The following SNRNP200 variants were observed in gnomAD, a reference collection of about 807,000 sequenced individuals.
The protein encoded by SNRNP200 is small nuclear ribonucleoprotein U5 subunit 200, also known as U5 small nuclear ribonucleoprotein 200 kDa helicase.
Under a neutral mutation model 255.2 loss-of-function variants are expected in SNRNP200, and 66 were observed. The observed-to-expected ratio is 0.26, with a 90% CI of 0.21 to 0.32. SNRNP200 has a LOEUF of 0.32. Ranked by LOEUF, SNRNP200 falls within the 10% of genes least tolerant of loss-of-function variation. SNRNP200 has a pLI of 1.00. For synonymous variants in SNRNP200, 939 were observed against 1,027.8 expected (o/e 0.91, Z 1.65); for missense variants, 1,585 against 2,749.8 (o/e 0.58, Z 9.47).
At position 96,281,893 on chromosome 2, in the gene SNRNP200, T is replaced by C. The variant is rs1684766948; in HGVS notation, c.4945A>G (p.Ser1649Gly). The C allele has an allele frequency of 6.2e-7, 1 of 1,613,836 alleles. No individual in the cohort carries two copies. Among genetic ancestry groups the C allele is most frequent in the Non-Finnish European group, 8.5e-7 (1 of 1,179,972 alleles). ...GCCACGTTCATGCCCCAGCAGAGAC[T>C]CCGAGAAGCCACCACCACCTGGATA... ...GAIQVVVASR[S>G]LCWGMNVAAH... Residue 1649 changes from serine to glycine, a missense_variant, in exon 35 of 45, where the codon AGT (serine) becomes GGT (glycine). Around this residue, in one of 9 missense-constraint regions of SNRNP200, gnomAD observed 719 missense variants for 1,091.1 expected, o/e 0.66. Transcript: ENST00000323853.
chr2:96,276,716 G>A (rs545380631), intron 43 of SNRNP200, 188 bp downstream of exon 43: 43 of 721,572 alleles, frequency 6.0e-5, no homozygotes, highest in Non-Finnish European at 8.3e-5. Flanking sequence ...CACTGCGCCC[G>A]GCCCTAAACT....
Position 96,283,646 on chromosome 2 carries a change from G to T in SNRNP200, c.4652C>A (p.Thr1551Asn). ...SMAKPVYHAI[T>N]KHSPKKPVIV... is the part of the protein sequence containing the mutation. Reference sequence around the variant, plus strand: ...GACAGGCTTCTTGGGCGAGTGCTTGGTGATAGCATGGTACACAGGCTTGGC... The same window carrying T: ...GACAGGCTTCTTGGGCGAGTGCTTGTTGATAGCATGGTACACAGGCTTGGC... The change falls in exon 33 of 45, where the codon ACC becomes AAC. Residue 1551 changes from threonine (T) to asparagine (N), a missense_variant. Thr to Asn is a moderately conservative substitution (Grantham distance 65). This residue lies in a region of SNRNP200 where 719 missense variants were observed against 1,091.1 expected (regional missense o/e 0.66). Transcript: ENST00000323853. This position sits in a 1 kb window ranked among gnomAD's most constrained non-coding sequence, Gnocchi z 4.7. 6.2e-7 allele frequency: 1 copy of T among 1,614,036 alleles called. No homozygotes were observed. The highest frequency in any genetic ancestry group is 2.2e-5 in the East Asian group (1 of 44,894).
At position 96,290,568 on chromosome 2, in the gene SNRNP200, TG is replaced by T; in HGVS notation, c.2554-55del. 1.2e-6 allele frequency: 2 copies of T among 1,613,378 alleles called. No individual in the cohort carries two copies. The highest frequency in any genetic ancestry group is 1.7e-6 in the Non-Finnish European group (2 of 1,179,310). ...CTATGTCAAGAGAATGTCTGAATTT[TG>T]ATGCAGGTATCTACATTACAGAACT... On this transcript the variant is annotated intron_variant, in intron 19 of 44. Coordinates refer to ENST00000323853, the MANE Select transcript of SNRNP200 (RefSeq NM_014014.5). The surrounding 1 kb of genome is among the most constrained non-coding windows in gnomAD (Gnocchi z 4.5).
At position 96,303,941 on chromosome 2, in the gene SNRNP200, T is replaced by A. The variant is rs1574003075; in HGVS notation, c.210-611A>T. On this transcript the variant is annotated intron_variant, in intron 2 of 44. Coordinates refer to ENST00000323853, the MANE Select transcript of SNRNP200 (RefSeq NM_014014.5). ...CTTCATACATTGTATGAGACTATTA[T>A]ATAATAGGATTTTGACTAGTTTTTC... Among the ~76,000 whole-genome samples, 3 of 150,812 alleles carry A rather than the reference T, an allele frequency of 2.0e-5. No individual in the cohort carries two copies. In the East Asian group the frequency reaches 5.8e-4, roughly 29 times the overall value.
At position 96,283,011 on chromosome 2, in the gene SNRNP200, G is replaced by C. The variant is rs547311111; in HGVS notation, c.4915+190C>G. 5.7e-6 allele frequency: 4 copies of C among 706,258 alleles called. No homozygotes were observed. The East Asian group carries it at 8.2e-5, about 14-fold the overall frequency. 43.7% of individuals were successfully genotyped at this position (706,258 alleles called of 1,614,324 possible). A position where few individuals can be genotyped will look rare whatever the true frequency, so the allele number is the denominator to read the frequency against. ...CCTGTTTTCTCACCTGGCAAGTAGGGATAGTGTTTGTCTCACCTGCCTCAC... is the reference window on the plus strand; with the variant it reads ...CCTGTTTTCTCACCTGGCAAGTAGGCATAGTGTTTGTCTCACCTGCCTCAC... On this transcript the variant is annotated intron_variant, in intron 34 of 44. Transcript: ENST00000323853. This position sits in a 1 kb window ranked among gnomAD's most constrained non-coding sequence, Gnocchi z 4.7.
At chr2:96,296,723 T>C in intron 12 of SNRNP200, 32 bp from the exon 13 acceptor site, 1 of 1,613,128 alleles carries the variant, frequency 6.2e-7, no homozygotes, top group South Asian at 1.1e-5. Context: ...AGAACGCCTA[T>C]TCACCTGGTT....
intron 29 of SNRNP200, among the ~76,000 whole-genome samples, chr2:96,285,873 G>A (rs1035151115): frequency 6.6e-6 from 1 of 152,200 alleles, no homozygotes; most frequent in Non-Finnish European, 1.5e-5. Context: ...ATCTCCAATA[G>A]AGATTCCTTT....
chr2:96,283,225 G>C lies in SNRNP200; in HGVS notation c.4891C>G (p.Leu1631Val). The change falls in exon 34 of 45, where the codon CTG becomes GTG. Residue 1631 changes from leucine to valine, a missense_variant. Transcript: ENST00000323853. This position sits in a 1 kb window ranked among gnomAD's most constrained non-coding sequence, Gnocchi z 4.7. Reference protein sequence around the residue: ...HEGLSPMERRLVEQLFSSGAI... With the variant: ...HEGLSPMERRVVEQLFSSGAI... ...CCTGAGCTGAAGAGCTGCTCCACCAGGCGTCGCTCCATGGGGCTGAGCCCC... is the reference window on the plus strand; with the variant it reads ...CCTGAGCTGAAGAGCTGCTCCACCACGCGTCGCTCCATGGGGCTGAGCCCC... 1 of 1,614,182 alleles carries C rather than the reference G, an allele frequency of 6.2e-7. No homozygotes were observed. The highest frequency in any genetic ancestry group is 8.5e-7 in the Non-Finnish European group (1 of 1,180,050).
chr2:96,300,167 C>T (rs1574000876), intron 5 of SNRNP200, among the ~76,000 whole-genome samples: 1 of 152,298 alleles, frequency 6.6e-6, no homozygotes, highest in East Asian at 1.9e-4. Context: ...CACTTCTACT[C>T]ACTGAGAACT....
At position 96,283,202 on chromosome 2, in the gene SNRNP200, T is replaced by C; in HGVS notation, c.4914A>G (p.Ser1638=). 1 of 1,614,156 alleles carries C rather than the reference T, an allele frequency of 6.2e-7. No individual in the cohort carries two copies. The part of the protein sequence containing the change: ...ERRLVEQLFS[S]GAIQVVVASR... ...CTCCCCTTCCGTGGCCTGACTTACC[T>C]GAGCTGAAGAGCTGCTCCACCAGGC... The change falls in exon 34 of 45, where the codon TCA becomes TCG. Residue 1638 remains serine (S), a splice_region_variant and synonymous_variant. Coordinates refer to ENST00000323853, the MANE Select transcript of SNRNP200 (RefSeq NM_014014.5). The surrounding 1 kb of genome is among the most constrained non-coding windows in gnomAD (Gnocchi z 4.7).
intron 1 of SNRNP200, among the ~76,000 whole-genome samples, 163 bp from the exon 2 acceptor site, chr2:96,305,031 G>GCACA (rs2063978572): frequency 6.6e-6 from 1 of 152,174 alleles, no homozygotes; most frequent in African/African-American, 2.4e-5. Context: ...ATAACGCTGT[G>GCACA]CAGAAGCGTA....
intron 34 of SNRNP200, chr2:96,282,886 C>T (rs1317728915): frequency 2.2e-6 from 1 of 463,300 alleles, no homozygotes; most frequent in Non-Finnish European, 4.0e-6. Context: ...GACTAATACA[C>T]TTGGGGAGTC....
rs749969850 is a variant in SNRNP200, at chr2:96,290,303, CACA to C, written c.2742+20_2742+22del. 2 of 1,612,588 alleles carry C rather than the reference CACA, an allele frequency of 1.2e-6. No homozygotes were observed. The highest frequency in any genetic ancestry group is 1.7e-6 in the Non-Finnish European group (2 of 1,179,472). On this transcript the variant is annotated intron_variant, in intron 20 of 44. Coordinates refer to ENST00000323853, the MANE Select transcript of SNRNP200 (RefSeq NM_014014.5). The surrounding 1 kb of genome is among the most constrained non-coding windows in gnomAD (Gnocchi z 4.5). Reference sequence around the variant, plus strand: ...TGGTGTCTGCGGGGAAAGCATGAAGCACAACAAGCAGTCCTCCCCTACCTTGGC... The same window carrying C: ...TGGTGTCTGCGGGGAAAGCATGAAGCACAAGCAGTCCTCCCCTACCTTGGC...
At chr2:96,301,806 C>T in intron 3 of SNRNP200, 90 bp from the exon 4 acceptor site, 1 of 1,384,090 alleles carries the variant, frequency 7.2e-7, no homozygotes, top group Non-Finnish European at 1.0e-6. Context: ...ATGTGAAGAG[C>T]CACACCTCTT....
At chr2:96,282,102 C>T in intron 34 of SNRNP200, 180 bp from the exon 35 acceptor site, 1 of 595,254 alleles carries the variant, frequency 1.7e-6, no homozygotes, top group Non-Finnish European at 3.0e-6. Flanking sequence ...TAGCTCCACG[C>T]TGCTGGTGCC....
chr2:96,303,477 T>C (rs1317614966), intron 2 of SNRNP200, 147 bp from the exon 3 acceptor site: 11 of 1,007,294 alleles, frequency 1.1e-5, no homozygotes, highest in Non-Finnish European at 1.7e-5. Flanking sequence ...TGATTCCGTT[T>C]GGCCTTAATC....
intron 15 of SNRNP200, 73 bp downstream of exon 15, chr2:96,293,243 A>G: frequency 1.3e-6 from 2 of 1,576,366 alleles, no homozygotes; most frequent in Non-Finnish European, 1.7e-6. Flanking sequence ...CCAACCCAGT[A>G]GCACTCCTTG....
chr2:96,283,592 G>A lies in SNRNP200; in HGVS notation c.4706C>T (p.Thr1569Ile), dbSNP rs1308249655. ...VIVFVPSRKQ[T>I]RLTAIDILTT... ...GAGGATGTCAATGGCAGTGAGGCGG[G>A]TCTGCTTGCGAGACGGCACAAAGAC... The change falls in exon 33 of 45, where the codon ACC becomes ATC. Residue 1569 changes from threonine to isoleucine, a missense_variant. Coordinates refer to ENST00000323853, the MANE Select transcript of SNRNP200 (RefSeq NM_014014.5). This position sits in a 1 kb window ranked among gnomAD's most constrained non-coding sequence, Gnocchi z 4.7. 6.2e-7 allele frequency: 1 copy of A among 1,614,008 alleles called. No homozygotes were observed. The highest frequency in any genetic ancestry group is 8.5e-7 in the Non-Finnish European group (1 of 1,180,050).
In SNRNP200 at chr2:96,281,920, C is replaced by T. The variant is rs1454381801; in HGVS notation, c.4918G>A (p.Ala1640Thr). 1 of 1,613,574 alleles carries T rather than the reference C, an allele frequency of 6.2e-7. No homozygotes were observed. The highest frequency in any genetic ancestry group is 1.7e-5 in the Admixed American group (1 of 60,006). ...CGAGAAGCCACCACCACCTGGATAGCCCCTGAGCAGTAGAGGGGAGAGGAA... is the reference window on the plus strand; with the variant it reads ...CGAGAAGCCACCACCACCTGGATAGTCCCTGAGCAGTAGAGGGGAGAGGAA... ...RLVEQLFSSG[A>T]IQVVVASRSL... The change falls in exon 35 of 45, where the codon GCT (alanine) becomes ACT (threonine). Residue 1640 changes from alanine to threonine, a missense_variant and splice_region_variant. Ala to Thr is a moderately conservative substitution (Grantham distance 58). Transcript: ENST00000323853.
Sources: gnomAD v4.1 joint callset for allele counts (sites outside exome capture counted in the v4.1 genomes callset) on GRCh38, gnomAD v4.1.1 for gene constraint, gnomAD v4.1.1 regional missense constraint, Gnocchi (gnomAD v3.1) non-coding constraint, MANE v1.5 for transcripts, NCBI Gene and HGNC (gene_info 2026-07-23, HGNC 2026-07-21) for gene names.